DIAPH3: variants seen among roughly 807,000 people sequenced by gnomAD.
DIAPH3 encodes diaphanous related formin 3, also known as protein diaphanous homolog 3.
A neutral mutation model predicts 144.3 loss-of-function variants in DIAPH3; 117 were observed. The ratio of observed to expected loss-of-function variants is 0.81; its 90% CI spans 0.70 to 0.95. The LOEUF is 0.95. Among genes scored for constraint, DIAPH3 ranks in the 40% least tolerant of loss-of-function variants. The pLI, the probability that DIAPH3 is intolerant of heterozygous loss-of-function variation, is 0.00. For synonymous variants in DIAPH3, 519 were observed against 488.9 expected (o/e 1.06, Z -0.81); for missense variants, 1,421 against 1,412.7 (o/e 1.01, Z -0.09).
At chr13:59,981,618 T>C (rs982853075) in intron 13 of DIAPH3, among the ~76,000 whole-genome samples, 4 of 151,320 alleles carry the variant, frequency 2.6e-5, no homozygotes, top group African/African-American at 9.7e-5. Context: ...GTAATTCATA[T>C]GGATTTCCCA....
intron 27 of DIAPH3, among the ~76,000 whole-genome samples, chr13:59,718,913 A>G (rs1444718983): frequency 1.3e-5 from 2 of 151,482 alleles, no homozygotes; most frequent in Middle Eastern, 3.2e-3. Context: ...ATGCCACCTC[A>G]AAATGTAGCC....
intron 27 of DIAPH3, among the ~76,000 whole-genome samples, chr13:59,674,900 T>C (rs529682135): frequency 6.6e-6 from 1 of 152,318 alleles, no homozygotes; most frequent in African/African-American, 2.4e-5. Context: ...TTCTAAAGTG[T>C]GTAATGGCTT....
chr13:59,798,160 C>T (rs528271458), intron 25 of DIAPH3, among the ~76,000 whole-genome samples: 3 of 152,282 alleles, frequency 2.0e-5, no homozygotes, highest in African/African-American at 7.2e-5. Context: ...CTTCTCTTTT[C>T]AGTGCATCCT....
At chr13:60,021,809 A>G (rs1220623034) in intron 5 of DIAPH3, among the ~76,000 whole-genome samples, 1 of 152,190 alleles carries the variant, frequency 6.6e-6, no homozygotes, top group Admixed American at 6.5e-5. Flanking sequence ...CTAGAAAAGA[A>G]GTAAGAATCT....
intron 24 of DIAPH3, among the ~76,000 whole-genome samples, chr13:59,814,233 T>C (rs986207719): frequency 3.3e-5 from 5 of 152,158 alleles, no homozygotes; most frequent in South Asian, 2.1e-4. Context: ...CACACCCTTT[T>C]AGCATTCCCA....
chr13:60,055,639 T>C (rs1041022907), intron 4 of DIAPH3, among the ~76,000 whole-genome samples: 4 of 151,916 alleles, frequency 2.6e-5, no homozygotes, highest in African/African-American at 9.7e-5. Flanking sequence ...AATATCTCTA[T>C]GAGCTGATAA....
At chr13:59,787,739 C>G (rs1375554039) in intron 25 of DIAPH3, among the ~76,000 whole-genome samples, 1 of 152,166 alleles carries the variant, frequency 6.6e-6, no homozygotes, top group Non-Finnish European at 1.5e-5. Flanking sequence ...CTTCTATGAT[C>G]TGAATCTTTG....
chr13:60,094,634 A>T (rs2058052125), intron 3 of DIAPH3, among the ~76,000 whole-genome samples: 1 of 152,190 alleles, frequency 6.6e-6, no homozygotes, highest in Non-Finnish European at 1.5e-5. Context: ...CTCAGAATGG[A>T]TCCATAAAAT....
At chr13:60,049,418 A>C (rs1478208473) in intron 4 of DIAPH3, among the ~76,000 whole-genome samples, 1 of 152,192 alleles carries the variant, frequency 6.6e-6, no homozygotes. Context: ...CAACTTGAAC[A>C]ATTTGTTGCC....
intron 20 of DIAPH3, among the ~76,000 whole-genome samples, chr13:59,884,898 T>G (rs1210859486): frequency 6.6e-6 from 1 of 152,106 alleles, no homozygotes; most frequent in African/African-American, 2.4e-5. Flanking sequence ...CTAAAGTTAT[T>G]TAAGAAAACT....
At chr13:60,010,326 A>G (rs1249133237) in intron 8 of DIAPH3, among the ~76,000 whole-genome samples, 1 of 152,186 alleles carries the variant, frequency 6.6e-6, no homozygotes, top group Non-Finnish European at 1.5e-5. Context: ...TCATAGAAGT[A>G]TGTTAGACCA....
chr13:59,841,041 C>A (rs1435656688), intron 22 of DIAPH3, among the ~76,000 whole-genome samples: 2 of 152,052 alleles, frequency 1.3e-5, no homozygotes, highest in African/African-American at 2.4e-5. Flanking sequence ...GTCTGCTTGT[C>A]AATTATCCAC....
At position 60,033,039 on chromosome 13, in the gene DIAPH3, G is replaced by A. The variant is rs1315583094; in HGVS notation, c.626+9651C>T. On this transcript the variant is annotated intron_variant, in intron 5 of 27. Coordinates refer to ENST00000400324, the MANE Select transcript of DIAPH3 (RefSeq NM_001042517.2). Reference sequence around the variant, plus strand: ...AAGTTCAACCTTCCACAAATCCCAAGGGCAGAAGCAAAATGCAGCCAAATT... The same window carrying A: ...AAGTTCAACCTTCCACAAATCCCAAAGGCAGAAGCAAAATGCAGCCAAATT... 3.3e-5 allele frequency among the ~76,000 whole-genome samples: 5 copies of A among 152,248 alleles called. No homozygotes were observed. The East Asian group carries it at 9.6e-4, about 29-fold the overall frequency.
chr13:59,818,471 C>G (rs2040894609), intron 24 of DIAPH3, among the ~76,000 whole-genome samples: 2 of 151,456 alleles, frequency 1.3e-5, no homozygotes, highest in Admixed American at 6.6e-5. Flanking sequence ...CATATCTTTT[C>G]TCTCTGGCTG....
chr13:60,152,363 G>A (rs1010494417), intron 1 of DIAPH3, among the ~76,000 whole-genome samples: 35 of 151,688 alleles, frequency 2.3e-4, no homozygotes, highest in Non-Finnish European at 4.3e-4. Context: ...CCTCACACTT[G>A]GTACATTAAT....
intron 17 of DIAPH3, among the ~76,000 whole-genome samples, chr13:59,969,330 A>T (rs2050223877): frequency 6.6e-6 from 1 of 152,194 alleles, no homozygotes; most frequent in African/African-American, 2.4e-5. Context: ...TATAAATCTG[A>T]TATTTTTATC....
At chr13:59,968,203 G>C (rs1356466364) in intron 17 of DIAPH3, among the ~76,000 whole-genome samples, 1 of 152,142 alleles carries the variant, frequency 6.6e-6, no homozygotes, top group African/African-American at 2.4e-5. Context: ...TAACATTGCA[G>C]CTAAATTAAA....
intron 5 of DIAPH3, among the ~76,000 whole-genome samples, chr13:60,024,190 C>G (rs1358540231): frequency 6.6e-6 from 1 of 152,188 alleles, no homozygotes; most frequent in African/African-American, 2.4e-5. Context: ...CTTTTTTATC[C>G]TGTCCTCTTT....
intron 25 of DIAPH3, among the ~76,000 whole-genome samples, chr13:59,799,053 C>T (rs1054283216): frequency 6.6e-6 from 1 of 151,928 alleles, no homozygotes; most frequent in Admixed American, 6.6e-5. Context: ...AGAAAGAGCA[C>T]GAGTGCAAGA....
Sources: gnomAD v4.1 joint callset for allele counts (sites outside exome capture counted in the v4.1 genomes callset) on GRCh38, gnomAD v4.1.1 for gene constraint, MANE v1.5 for transcripts, NCBI Gene and HGNC (gene_info 2026-07-23, HGNC 2026-07-21) for gene names.